CCDC74A: variants seen among roughly 807,000 people sequenced by gnomAD.
CCDC74A encodes coiled-coil domain-containing protein 74A.
A neutral mutation model predicts 37.6 loss-of-function variants in CCDC74A; 38 were observed. The ratio of observed to expected loss-of-function variants is 1.01; its 90% CI spans 0.78 to 1.33. CCDC74A has a LOEUF of 1.33. Among genes scored for constraint, CCDC74A ranks in the 40% most tolerant of loss-of-function variants. CCDC74A has a pLI of 0.00. For synonymous variants in CCDC74A, 134 were observed against 165.2 expected (o/e 0.81, Z 1.45); for missense variants, 340 against 403.4 (o/e 0.84, Z 1.35).
At chr2:131,524,150 G>C (rs1217107958), upstream of CCDC74A, among the ~76,000 whole-genome samples, 1 of 152,158 alleles carries the variant, frequency 6.6e-6, no homozygotes, top group Non-Finnish European at 1.5e-5. Context: ...TGTGGTTGCT[G>C]AAGACCCATC....
At chr2:131,529,190 GAGTATCCCATCA>G (rs1157404317) in intron 1 of CCDC74A, 1 of 265,902 alleles carries the variant, frequency 3.8e-6, no homozygotes, top group Non-Finnish European at 7.4e-6. Flanking sequence ...CCTGAGTGCC[GAGTATCCCATCA>G]CCAGGCGTCT....
In CCDC74A at chr2:131,528,165, G is replaced by A; in HGVS notation, c.195G>A (p.Ser65=). ...TGCAGTTCCTGCAGCAGCAGCACTC[G>A]GAGATGCTGGCCAAGCTCCATGAGG... is the stretch of plus-strand genomic sequence containing the variant. ...KSLQFLQQQH[S]EMLAKLHEEI... Residue 65 remains serine (S), a synonymous_variant, in exon 1 of 8, where the codon TCG becomes TCA. Transcript: ENST00000409856. 5 of 1,613,888 alleles carry A rather than the reference G, an allele frequency of 3.1e-6. No homozygotes were observed. The African/African-American group carries it at 4.0e-5, about 13-fold the overall frequency.
At chr2:131,529,790 T>G (rs1239473372) in intron 2 of CCDC74A, 99 bp downstream of exon 2, 5 of 1,563,584 alleles carry the variant, frequency 3.2e-6, no homozygotes, top group East Asian at 2.2e-5. Flanking sequence ...GGCCCCTGTA[T>G]GCCAACCCAG....
At chr2:131,526,901 T>C (rs1167250468), upstream of CCDC74A, among the ~76,000 whole-genome samples, 1 of 152,032 alleles carries the variant, frequency 6.6e-6, no homozygotes. Context: ...TCCCCTGTTA[T>C]TATACAGGAG....
At position 131,532,728 on chromosome 2, in the gene CCDC74A, T is replaced by C. The variant is rs747674570; in HGVS notation, c.625T>C (p.Cys209Arg). The C allele has an allele frequency of 1.9e-6, 3 of 1,613,486 alleles. No individual in the cohort carries two copies. The highest frequency in any genetic ancestry group is 1.3e-5 in the African/African-American group (1 of 74,886). ...GCGAAAGCCCACCACACTTAGGCAG[T>C]GCGAAGTGCTCATCCGCGAGCTGTG... Reference protein sequence around the residue: ...PLRKPTTLRQCEVLIRELWNT... With the variant: ...PLRKPTTLRQREVLIRELWNT... Residue 209 changes from cysteine to arginine, a missense_variant, in exon 5 of 8, where the codon TGC becomes CGC. By Grantham distance (180) the Cys-to-Arg change is radical. Around this residue, in one of 3 missense-constraint regions of CCDC74A, gnomAD observed 185 missense variants for 231.5 expected, o/e 0.80. Transcript: ENST00000409856.
At chr2:131,530,254 T>G in intron 2 of CCDC74A, 1 of 1,545,122 alleles carries the variant, frequency 6.5e-7, no homozygotes, top group Non-Finnish European at 8.7e-7. Flanking sequence ...TCCTGGGCTG[T>G]GGTCTCAAGC....
upstream of CCDC74A, among the ~76,000 whole-genome samples, chr2:131,527,315 G>A (rs1170817248): frequency 2.0e-5 from 3 of 151,882 alleles, no homozygotes; most frequent in African/African-American, 7.2e-5. Flanking sequence ...ACTTAGGCTG[G>A]AGTTCAGTGG....
At chr2:131,530,080 C>G (rs571896019) in intron 2 of CCDC74A, 137 of 1,550,038 alleles carry the variant, frequency 8.8e-5, no homozygotes, top group South Asian at 3.9e-4. Flanking sequence ...TCTGAGTCCT[C>G]ACATGCTGGG....
At chr2:131,529,158 C>G (rs187172767) in intron 1 of CCDC74A, 4,555 of 233,496 alleles carry the variant, frequency 0.02, 89 homozygotes, top group Non-Finnish European at 0.031. Context: ...CCTCTCCCGC[C>G]CCGTTCCCTG....
At position 131,533,318 on chromosome 2, in the gene CCDC74A, A is replaced by T; in HGVS notation, c.859A>T (p.Thr287Ser). The change falls in exon 8 of 8, where the codon ACC (threonine) becomes TCC (serine). Residue 287 changes from threonine to serine, a missense_variant. This residue lies in a region of CCDC74A where 185 missense variants were observed against 231.5 expected (regional missense o/e 0.80). Transcript: ENST00000409856. The stretch of plus-strand genomic sequence containing the variant: ...TGCCATCCTGCCCGCACTGAAGCAG[A>T]CCCCGAAGAACAACTTTGCCGAGAG... ...ERAILPALKQ[T>S]PKNNFAERQK... The T allele has an allele frequency of 6.2e-7, 1 of 1,613,380 alleles. No homozygotes were observed.
In CCDC74A at chr2:131,531,772, A is replaced by G; in HGVS notation, c.455A>G (p.Asp152Gly). Residue 152 changes from aspartate (D) to glycine (G), a missense_variant, in exon 4 of 8, where the codon GAC becomes GGC. Asp to Gly is a moderately conservative substitution (Grantham distance 94). This residue lies in a region of CCDC74A where 185 missense variants were observed against 231.5 expected (regional missense o/e 0.80). Transcript: ENST00000409856. ...EEPLLHNSKL[D>G]KVPGVQGQAR... ...CCCCTACTTCACAACAGCAAGCTGG[A>G]CAAAGTTCCTGGGGTACAAGGGCAG... 2 of 1,495,394 alleles carry G rather than the reference A, an allele frequency of 1.3e-6. No individual in the cohort carries two copies. The highest frequency in any genetic ancestry group is 1.8e-6 in the Non-Finnish European group (2 of 1,130,914). The allele number at this position is 1,495,394 out of a possible 1,614,324, so 92.6% of individuals were successfully genotyped here. A position where few individuals can be genotyped will look rare whatever the true frequency, so the allele number is the denominator to read the frequency against.
chr2:131,527,499 C>T (rs1456234916), upstream of CCDC74A, among the ~76,000 whole-genome samples: 1 of 151,862 alleles, frequency 6.6e-6, no homozygotes, highest in Non-Finnish European at 1.5e-5. Flanking sequence ...TGCCTGGATG[C>T]CTTTTATTAT....
At chr2:131,530,043 C>T (rs1222286166) in intron 2 of CCDC74A, 2 of 1,550,392 alleles carry the variant, frequency 1.3e-6, no homozygotes, top group Admixed American at 3.9e-5. Flanking sequence ...CTGCTGTGGC[C>T]AGGCCCAGGA....
upstream of CCDC74A, among the ~76,000 whole-genome samples, chr2:131,524,798 T>A (rs1316876441): frequency 6.8e-6 from 1 of 147,860 alleles, no homozygotes; most frequent in African/African-American, 2.5e-5. Flanking sequence ...CAGTGGCTCA[T>A]ACCTGTAATT....
At chr2:131,532,966 C>T (rs769894697) in intron 6 of CCDC74A, 29 bp downstream of exon 6, 2 of 1,613,944 alleles carry the variant, frequency 1.2e-6, no homozygotes, top group Non-Finnish European at 8.5e-7. Flanking sequence ...CCTGCCCCAT[C>T]CCTGGGGTCC....
chr2:131,525,688 C>T (rs995101930), upstream of CCDC74A, among the ~76,000 whole-genome samples: 3 of 140,702 alleles, frequency 2.1e-5, no homozygotes, highest in African/African-American at 8.0e-5. Flanking sequence ...GTTGGGATTA[C>T]AGATATAAAC....
At chr2:131,532,513 C>G in intron 4 of CCDC74A, 76 bp from the exon 5 acceptor site, 1 of 1,482,464 alleles carries the variant, frequency 6.7e-7, no homozygotes, top group Non-Finnish European at 9.0e-7. Flanking sequence ...CTGGGCGCTG[C>G]CTGGGGAGGT....
Position 131,528,181 on chromosome 2 carries a change from C to A in CCDC74A, c.211C>A (p.Leu71Ile). Reference protein sequence around the residue: ...QQQHSEMLAKLHEEIEHLKRE... With the variant: ...QQQHSEMLAKIHEEIEHLKRE... ...GCAGCACTCGGAGATGCTGGCCAAG[C>A]TCCATGAGGAGATCGAGCATCTGAA... Residue 71 changes from leucine to isoleucine, a missense_variant, in exon 1 of 8, where the codon CTC becomes ATC. Physicochemically the swap from Leu to Ile is conservative, Grantham distance 5 (BLOSUM62 2). Transcript: ENST00000409856. 6.2e-7 allele frequency: 1 copy of A among 1,613,796 alleles called. No homozygotes were observed. Among genetic ancestry groups the A allele is most frequent in the African/African-American group, 1.3e-5 (1 of 75,040 alleles).
chr2:131,524,716 A>AT (rs1179420340), upstream of CCDC74A, among the ~76,000 whole-genome samples: 1 of 151,482 alleles, frequency 6.6e-6, no homozygotes, highest in Non-Finnish European at 1.5e-5. Context: ...TCCTGCCTTC[A>AT]TTTTTCTTTT....
Sources: gnomAD v4.1 joint callset for allele counts (sites outside exome capture counted in the v4.1 genomes callset) on GRCh38, gnomAD v4.1.1 for gene constraint, gnomAD v4.1.1 regional missense constraint, MANE v1.5 for transcripts, NCBI Gene and HGNC (gene_info 2026-07-23, HGNC 2026-07-21) for gene names.